Variants in PTP4A1 observed in about 807,000 individuals in gnomAD.
PTP4A1 encodes protein tyrosine phosphatase type IVA 1.
Under a neutral mutation model 20.5 loss-of-function variants are expected in PTP4A1, and 9 were observed. The ratio of observed to expected loss-of-function variants is 0.44; its 90% confidence interval spans 0.26 to 0.77. The LOEUF (loss-of-function observed/expected upper bound fraction) is 0.77. PTP4A1 is among the 30% of genes least tolerant of loss of function. The pLI is 0.19. For missense variants in PTP4A1, 137 were observed against 218.8 expected (o/e 0.63, Z 2.36); for synonymous variants, 78 against 67.4 (o/e 1.16, Z -0.77).
At chr6:63,531,895 G>A (rs558327449) in intron 2 of PTP4A1, among the ~76,000 whole-genome samples, 9 of 150,972 alleles carry the variant, frequency 6.0e-5, no homozygotes, top group South Asian at 2.1e-4. Flanking sequence ...CTTGCCTCCC[G>A]GGTTCAAGCA....
chr6:63,548,853 A>G (rs1442984217), intron 2 of PTP4A1: 14 of 761,968 alleles, frequency 1.8e-5, no homozygotes, highest in Admixed American at 8.6e-5. Flanking sequence ...GATAGCTCCC[A>G]CTAGCTTAGC....
chr6:63,579,516 T>C (rs111770850), intron 5 of PTP4A1, among the ~76,000 whole-genome samples, 185 bp downstream of exon 5: 3 of 152,392 alleles, frequency 2.0e-5, no homozygotes, highest in African/African-American at 7.2e-5. Context: ...ACTAAGATTC[T>C]AATCCAACAA....
intron 2 of PTP4A1, chr6:63,549,059 C>T (rs1776323807): frequency 4.2e-6 from 3 of 720,556 alleles, no homozygotes; most frequent in Non-Finnish European, 7.6e-6. Context: ...GCTGAGCTTT[C>T]TTATTCTCTA....
At chr6:63,544,133 C>T (rs1042955981) in intron 2 of PTP4A1, among the ~76,000 whole-genome samples, 1 of 152,080 alleles carries the variant, frequency 6.6e-6, no homozygotes, top group African/African-American at 2.4e-5. Flanking sequence ...TAAAGACTAC[C>T]AGACACTGTG....
chr6:63,570,524 A>C (rs536243628), upstream of PTP4A1, among the ~76,000 whole-genome samples: 3 of 152,364 alleles, frequency 2.0e-5, no homozygotes, highest in South Asian at 6.2e-4. Flanking sequence ...TCGTGTCAGC[A>C]CTGCTTGTGG....
upstream of PTP4A1, among the ~76,000 whole-genome samples, chr6:63,569,772 C>G (rs1332457709): frequency 6.6e-6 from 1 of 152,106 alleles, no homozygotes; most frequent in Non-Finnish European, 1.5e-5. Context: ...TAAGCATTGG[C>G]TTTTAGAGGT....
At chr6:63,578,043 C>T (rs1289234754) in intron 2 of PTP4A1, among the ~76,000 whole-genome samples, 8 of 151,774 alleles carry the variant, frequency 5.3e-5, no homozygotes, top group Non-Finnish European at 1.0e-4. Context: ...TCAGATTACC[C>T]GATTAGTTAT....
chr6:63,559,955 C>G (rs1223158905), intron 3 of PTP4A1, among the ~76,000 whole-genome samples: 1 of 151,996 alleles, frequency 6.6e-6, no homozygotes, highest in Admixed American at 6.6e-5. Flanking sequence ...ACAACAGCAA[C>G]CCAGGATGGA....
intron 2 of PTP4A1, among the ~76,000 whole-genome samples, chr6:63,545,265 T>C (rs944741743): frequency 6.6e-6 from 1 of 152,232 alleles, no homozygotes. Flanking sequence ...TGTCTTTTCC[T>C]TCTGCCTTTG....
chr6:63,571,871 C>T (rs1430223293), upstream of PTP4A1: 1 of 152,240 alleles, frequency 6.6e-6, no homozygotes, highest in African/African-American at 2.4e-5. Context: ...GAAAGCGCCC[C>T]CAGGGACAAG....
At chr6:63,571,344 G>C (rs892738299), upstream of PTP4A1, 1 of 152,158 alleles carries the variant, frequency 6.6e-6, no homozygotes, top group Non-Finnish European at 1.5e-5. Context: ...ACAAACAAAA[G>C]GCTTCAGTGT....
intron 2 of PTP4A1, 101 bp downstream of exon 2, chr6:63,577,086 T>G: frequency 2.6e-5 from 21 of 794,910 alleles, no homozygotes; most frequent in Middle Eastern, 2.4e-4. Flanking sequence ...TGAGATGATA[T>G]ACCTACAATT....
At chr6:63,567,585 G>A (rs1777244946), upstream of PTP4A1, among the ~76,000 whole-genome samples, 2 of 152,184 alleles carry the variant, frequency 1.3e-5, no homozygotes, top group South Asian at 2.1e-4. Context: ...GCACAGCAGA[G>A]TAGATTTAGC....
upstream of PTP4A1, among the ~76,000 whole-genome samples, chr6:63,567,839 TTCTCAATAA>T (rs1777255603): frequency 6.6e-6 from 1 of 152,252 alleles, no homozygotes; most frequent in African/African-American, 2.4e-5. Context: ...TGGCTAAATC[TTCTCAATAA>T]CTTGCTGCAG....
At position 63,583,267 on chromosome 6, in the gene PTP4A1, T is replaced by C. The variant is rs1278628024; in HGVS notation, c.*3093T>C. ...GTTTTAAACAAAATACATGAAGTAG[T>C]GTCTGCCATACATGTTAATATTCTA... On this transcript the variant is annotated 3_prime_UTR_variant, in exon 6 of 6. Coordinates refer to ENST00000626021, the MANE Select transcript of PTP4A1 (RefSeq NM_003463.5). 1 of 152,254 alleles carries C rather than the reference T, an allele frequency of 6.6e-6. No individual in the cohort carries two copies. The highest frequency in any genetic ancestry group is 2.4e-5 in the African/African-American group (1 of 41,460). The allele number at this position is 152,254 out of a possible 1,614,324, so 9.4% of individuals were successfully genotyped here. A position where few individuals can be genotyped will look rare whatever the true frequency, so the allele number is the denominator to read the frequency against.
chr6:63,579,387 C>T, intron 5 of PTP4A1, 56 bp downstream of exon 5: 3 of 1,376,648 alleles, frequency 2.2e-6, no homozygotes, highest in South Asian at 2.5e-5. Context: ...TGTTGAGTGT[C>T]AGTGAGTTTA....
At chr6:63,568,829 G>C (rs1230390894), upstream of PTP4A1, among the ~76,000 whole-genome samples, 1 of 152,150 alleles carries the variant, frequency 6.6e-6, no homozygotes, top group Non-Finnish European at 1.5e-5. Flanking sequence ...TGGCATACTT[G>C]AATTTTTAGG....
intron 2 of PTP4A1, among the ~76,000 whole-genome samples, chr6:63,533,900 G>A (rs1775587194): frequency 6.6e-6 from 1 of 151,992 alleles, no homozygotes; most frequent in African/African-American, 2.4e-5. Flanking sequence ...CTGGAGTTCA[G>A]TGGTGTGATC....
upstream of PTP4A1, among the ~76,000 whole-genome samples, chr6:63,521,366 A>C (rs997015405): frequency 6.6e-6 from 1 of 152,216 alleles, no homozygotes; most frequent in Non-Finnish European, 1.5e-5. Context: ...AGTCAGACAG[A>C]TTTCAATTCA....
Sources: allele counts gnomAD v4.1 joint callset (sites outside exome capture counted in the v4.1 genomes callset), GRCh38; gene constraint gnomAD v4.1.1; transcripts MANE v1.5; gene names NCBI Gene and HGNC (gene_info 2026-07-23, HGNC 2026-07-21).